GRPEL1: variants seen among roughly 807,000 people sequenced by gnomAD.
GRPEL1 encodes grpE protein homolog 1, mitochondrial.
Under a neutral mutation model 22.1 loss-of-function variants are expected in GRPEL1, and 13 were observed. The ratio of observed to expected loss-of-function variants is 0.59; its 90% CI spans 0.38 to 0.94. The LOEUF is 0.94. GRPEL1 is among the 40% of genes least tolerant of loss of function. The pLI, the probability that GRPEL1 is intolerant of heterozygous loss-of-function variation, is 0.00. For missense variants in GRPEL1, 289 were observed against 264.6 expected, an observed-to-expected ratio of 1.09 and a Z score of -0.64; for synonymous variants, 109 against 105.3, an observed-to-expected ratio of 1.03 and a Z score of -0.21.
Position 7,068,062 on chromosome 4 carries a change from C to G in GRPEL1, c.-30G>C. 6.2e-7 allele frequency: 1 copy of G among 1,610,692 alleles called. No homozygotes were observed. Among genetic ancestry groups the G allele is most frequent in the South Asian group, 1.1e-5 (1 of 90,690 alleles). On this transcript the variant is annotated 5_prime_UTR_variant, in exon 1 of 4. Coordinates refer to ENST00000264954, the MANE Select transcript of GRPEL1 (RefSeq NM_025196.4). Reference sequence around the variant, plus strand: ...GCCACTGCCCGTCGCAGTCGCCGCGCACGCACCAAGCGTGCGTGCAGGCAG... The same window carrying G: ...GCCACTGCCCGTCGCAGTCGCCGCGGACGCACCAAGCGTGCGTGCAGGCAG...
rs757518130 is a variant in GRPEL1, at chr4:7,068,042, T to C, written c.-10A>G. The C allele has an allele frequency of 7.4e-6, 12 of 1,612,384 alleles. No individual in the cohort carries two copies. The highest frequency in any genetic ancestry group is 1.3e-5 in the African/African-American group (1 of 74,924). ...CGCACTGAGCCGCCATGACTGCCAC[T>C]GCCCGTCGCAGTCGCCGCGCACGCA... On this transcript the variant is annotated 5_prime_UTR_variant, in exon 1 of 4. Coordinates refer to ENST00000264954, the MANE Select transcript of GRPEL1 (RefSeq NM_025196.4).
chr4:7,062,678 A>AT (rs1158059150), intron 2 of GRPEL1, among the ~76,000 whole-genome samples: 2 of 151,484 alleles, frequency 1.3e-5, no homozygotes, highest in East Asian at 2.0e-4. Context: ...CGCCCAGCTA[A>AT]TTTTTTTGTA....
intron 1 of GRPEL1, among the ~76,000 whole-genome samples, chr4:7,066,782 G>A (rs1441367156): frequency 6.6e-6 from 1 of 152,146 alleles, no homozygotes; most frequent in Non-Finnish European, 1.5e-5. Context: ...TTCTGCAGAG[G>A]GAAACTGAGT....
intron 3 of GRPEL1, 109 bp downstream of exon 3, chr4:7,062,276 A>ACCC (rs11422620): frequency 1.3e-5 from 4 of 310,306 alleles, no homozygotes; most frequent in African/African-American, 4.4e-5. Flanking sequence ...CAACAGCTGG[A>ACCC]CCCCCCACCC....
Position 7,060,873 on chromosome 4 carries a change from TCAC to T in GRPEL1, c.640_642del (p.Val214del). Reference sequence around the variant, plus strand: ...CCCATCAACAGCAGCTAAGCTTCCTTCACCACCCCCACCAGGGCGGGTCTCAGA... The same window carrying T: ...CCCATCAACAGCAGCTAAGCTTCCTTCACCCCCACCAGGGCGGGTCTCAGA... On this transcript the variant is annotated inframe_deletion, in exon 4 of 4. Coordinates refer to ENST00000264954, the MANE Select transcript of GRPEL1 (RefSeq NM_025196.4). 6.2e-7 allele frequency: 1 copy of T among 1,611,012 alleles called. No homozygotes were observed.
At chr4:7,066,135 C>G (rs938973325) in intron 1 of GRPEL1, among the ~76,000 whole-genome samples, 2 of 152,174 alleles carry the variant, frequency 1.3e-5, no homozygotes, top group African/African-American at 4.8e-5. Context: ...TTAAATTAGG[C>G]CACAGTCCTA....
At chr4:7,063,981 T>A in intron 2 of GRPEL1, 80 bp downstream of exon 2, 1 of 1,470,028 alleles carries the variant, frequency 6.8e-7, no homozygotes, top group South Asian at 1.3e-5. Flanking sequence ...CTGTCACCAA[T>A]GAAACCTGGA....
intron 1 of GRPEL1, among the ~76,000 whole-genome samples, chr4:7,067,220 A>C (rs1430636890): frequency 1.3e-5 from 2 of 151,940 alleles, no homozygotes; most frequent in Non-Finnish European, 2.9e-5. Flanking sequence ...CTAACTTCTA[A>C]AGTAGAACTT....
intron 2 of GRPEL1, 48 bp from the exon 3 acceptor site, chr4:7,062,514 A>G: frequency 2.9e-5 from 8 of 271,738 alleles, no homozygotes; most frequent in Admixed American, 8.3e-5. Flanking sequence ...ATATATATAT[A>G]TCTTTTTTTT....
At position 7,064,482 on chromosome 4, in the gene GRPEL1, T is replaced by C. The variant is rs189904638; in HGVS notation, c.63-259A>G. ...TATATATATTTTTTTAGAGACAGGATTGGTCTCTCTCTATATATCTATCTA... is the reference window on the plus strand; with the variant it reads ...TATATATATTTTTTTAGAGACAGGACTGGTCTCTCTCTATATATCTATCTA... On this transcript the variant is annotated intron_variant, in intron 1 of 3. Transcript: ENST00000264954. The C allele has an allele frequency of 4.0e-5, 12 of 302,366 alleles. No homozygotes were observed. In the Admixed American group the frequency reaches 4.2e-4, roughly 11 times the overall value. The allele number at this position is 302,366 out of a possible 1,614,324, so 18.7% of individuals were successfully genotyped here.
intron 2 of GRPEL1, 62 bp downstream of exon 2, chr4:7,063,999 T>C (rs1577221917): frequency 6.6e-7 from 1 of 1,525,324 alleles, no homozygotes; most frequent in Non-Finnish European, 8.9e-7. Flanking sequence ...GGAACCTTTA[T>C]GTGGCCCAGG....
chr4:7,067,946 C>G (rs1357140972), intron 1 of GRPEL1, 25 bp downstream of exon 1: 4 of 1,612,056 alleles, frequency 2.5e-6, no homozygotes, highest in Non-Finnish European at 2.5e-6. Context: ...GCCACCTCCA[C>G]CCAGGGAGAC....
At chr4:7,065,869 T>TC (rs1457709129) in intron 1 of GRPEL1, among the ~76,000 whole-genome samples, 1 of 151,696 alleles carries the variant, frequency 6.6e-6, no homozygotes, top group Non-Finnish European at 1.5e-5. Context: ...TTTTTTTTTT[T>TC]TTGAGACGGA....
chr4:7,067,919 G>T, intron 1 of GRPEL1, 52 bp downstream of exon 1: 2 of 1,581,064 alleles, frequency 1.3e-6, no homozygotes, highest in Non-Finnish European at 1.7e-6. Flanking sequence ...GCCCCCATCG[G>T]AGCGGGAGGT....
chr4:7,062,346 C>A (rs367929942), intron 3 of GRPEL1, 39 bp downstream of exon 3: 13 of 1,082,802 alleles, frequency 1.2e-5, no homozygotes, highest in Non-Finnish European at 1.7e-5. Flanking sequence ...ACCCCATTAT[C>A]TTCTTTCCGG....
rs374386939 is a variant in GRPEL1, at chr4:7,062,470, A to C, written c.226-4T>G. On this transcript the variant is annotated splice_region_variant and splice_polypyrimidine_tract_variant and intron_variant, in intron 2 of 3. Transcript: ENST00000264954. ...CCAAAGCTCGTTTATATTTTTCCTAAAAGAGAAAAAAAGGGATATTTATAT... is the reference window on the plus strand; with the variant it reads ...CCAAAGCTCGTTTATATTTTTCCTACAAGAGAAAAAAAGGGATATTTATAT... 2 of 1,373,270 alleles carry C rather than the reference A, an allele frequency of 1.5e-6. No individual in the cohort carries two copies. The highest frequency in any genetic ancestry group is 2.0e-6 in the Non-Finnish European group (2 of 1,003,908). 85.1% of individuals were successfully genotyped at this position (1,373,270 alleles called of 1,614,324 possible). A position where few individuals can be genotyped will look rare whatever the true frequency, so the allele number is the denominator to read the frequency against.
intron 1 of GRPEL1, among the ~76,000 whole-genome samples, chr4:7,067,271 A>G (rs566132385): frequency 2.0e-4 from 30 of 151,736 alleles, no homozygotes; most frequent in African/African-American, 6.5e-4. Context: ...AAAAAAAAAA[A>G]GGGGCACTGT....
In GRPEL1 at chr4:7,059,926, G is replaced by A. The variant is rs191766129; in HGVS notation, c.*936C>T. Reference sequence around the variant, plus strand: ...TGTAGAAGCCTGTATATGTGTGTACGTGAATGTGCACGCACGCACGTGTCA... The same window carrying A: ...TGTAGAAGCCTGTATATGTGTGTACATGAATGTGCACGCACGCACGTGTCA... On this transcript the variant is annotated 3_prime_UTR_variant, in exon 4 of 4. Coordinates refer to ENST00000264954, the MANE Select transcript of GRPEL1 (RefSeq NM_025196.4). The A allele has an allele frequency of 1.4e-3, 206 of 152,302 alleles. No homozygotes were observed. The highest frequency in any genetic ancestry group is 4.8e-3 in the African/African-American group (199 of 41,562). 9.4% of individuals were successfully genotyped at this position (152,302 alleles called of 1,614,324 possible).
chr4:7,062,516 C>CCCTT, intron 2 of GRPEL1, 50 bp from the exon 3 acceptor site: 1 of 545,556 alleles, frequency 1.8e-6, no homozygotes, highest in Non-Finnish European at 2.6e-6. Context: ...ATATATATAT[C>CCCTT]TTTTTTTTTG....
Sources: allele counts gnomAD v4.1 joint callset (sites outside exome capture counted in the v4.1 genomes callset), GRCh38; gene constraint gnomAD v4.1.1; transcripts MANE v1.5; gene names NCBI Gene and HGNC (gene_info 2026-07-23, HGNC 2026-07-21).